CHRDL1: variants seen among roughly 807,000 people sequenced by gnomAD.
CHRDL1 encodes chordin like 1, also known as chordin-like protein 1.
A neutral mutation model predicts 40.9 loss-of-function variants in CHRDL1; 19 were observed. The observed-to-expected ratio is 0.46, with a 90% CI of 0.32 to 0.68. The LOEUF (loss-of-function observed/expected upper bound fraction) is 0.68, where lower values mean the gene tolerates loss of function less well. CHRDL1 is among the 30% of genes least tolerant of loss of function. The probability of loss-of-function intolerance (pLI) is 0.03; values close to 1 mark genes in which losing one functional copy is unlikely to be tolerated. For synonymous variants in CHRDL1, 136 were observed against 123.4 expected (o/e 1.10, Z -0.68); for missense variants, 329 against 352.1 (o/e 0.93, Z 0.53).
At chrX:110,714,870 T>C (rs1438448466) in intron 6 of CHRDL1, among the ~76,000 whole-genome samples, 3 of 111,787 alleles carry the variant, frequency 2.7e-5, no homozygotes, top group Non-Finnish European at 3.8e-5. Context: ...TTCCCTGCTG[T>C]ATGAGTAATA....
chrX:110,716,232 C>A (rs1381474637), intron 6 of CHRDL1, among the ~76,000 whole-genome samples: 4 of 110,948 alleles, frequency 3.6e-5, no homozygotes, highest in Non-Finnish European at 7.6e-5. Flanking sequence ...TAGTCAACAC[C>A]ATCTACCACA....
At chrX:110,794,075 T>C (rs1306389701) in intron 1 of CHRDL1, among the ~76,000 whole-genome samples, 2 of 111,958 alleles carry the variant, frequency 1.8e-5, no homozygotes, top group Non-Finnish European at 3.8e-5. Context: ...TTGTATTCTG[T>C]GCAGAAATAT....
chrX:110,744,799 G>A (rs2071420891), intron 4 of CHRDL1, among the ~76,000 whole-genome samples: 1 of 110,726 alleles, frequency 9.0e-6, no homozygotes, highest in African/African-American at 3.3e-5. Context: ...CTGAATTCTG[G>A]CCCTGCATTC....
At chrX:110,709,878 TG>T (rs1228638207) in intron 6 of CHRDL1, among the ~76,000 whole-genome samples, 1 of 111,316 alleles carries the variant, frequency 9.0e-6, no homozygotes, top group African/African-American at 3.3e-5. Flanking sequence ...GGTGAGCGCC[TG>T]TAGTCTGAGC....
At chrX:110,703,025 A>G (rs1211224191) in intron 6 of CHRDL1, among the ~76,000 whole-genome samples, 1 of 111,977 alleles carries the variant, frequency 8.9e-6, no homozygotes, top group East Asian at 2.8e-4. Flanking sequence ...ATTCCTTGGA[A>G]TGAGAGATTA....
chrX:110,695,530 C>A (rs1254609962), intron 7 of CHRDL1, among the ~76,000 whole-genome samples: 6 of 112,172 alleles, frequency 5.3e-5, no homozygotes, highest in Non-Finnish European at 1.1e-4. Flanking sequence ...AGAATGGAAC[C>A]TTAAGGCTTA....
At chrX:110,750,122 C>T (rs2089330575) in intron 4 of CHRDL1, among the ~76,000 whole-genome samples, 1 of 111,738 alleles carries the variant, frequency 8.9e-6, no homozygotes, top group Admixed American at 9.5e-5. Context: ...CGGGATCTTC[C>T]CCCCGCAACA....
At chrX:110,695,246 T>C (rs1340856066) in intron 7 of CHRDL1, among the ~76,000 whole-genome samples, 1 of 111,730 alleles carries the variant, frequency 9.0e-6, no homozygotes, top group Non-Finnish European at 1.9e-5. Context: ...TGATAGTACA[T>C]GACAGTATTG....
At chrX:110,736,149 A>C (rs1247310640) in intron 4 of CHRDL1, among the ~76,000 whole-genome samples, 1 of 112,427 alleles carries the variant, frequency 8.9e-6, no homozygotes, top group Non-Finnish European at 1.9e-5. Context: ...CTGACGACCA[A>C]GGAGGCAGCT....
In CHRDL1 at chrX:110,690,524, C is replaced by T. The variant is rs2070254692; in HGVS notation, c.779-1721G>A. On this transcript the variant is annotated intron_variant, in intron 8 of 11. Transcript: ENST00000372042. ...TTGGGAGATTTGCTTTCCATGGAGG[C>T]TAGATGCAAAAATTACTGCTCTTCC... Among the ~76,000 whole-genome samples the T allele has an allele frequency of 2.7e-5, 3 of 110,654 alleles. No individual in the cohort carries two copies. The South Asian group carries it at 1.2e-3, about 43-fold the overall frequency.
In CHRDL1 at chrX:110,699,821, T is replaced by C. The variant is rs183066247; in HGVS notation, c.609+833A>G. Reference sequence around the variant, plus strand: ...TTGGATGTACACACCAAGTCCCTAGTAGACATTTAGGTTGTCTCCATTTGT... The same window carrying C: ...TTGGATGTACACACCAAGTCCCTAGCAGACATTTAGGTTGTCTCCATTTGT... On this transcript the variant is annotated intron_variant, in intron 7 of 11. Transcript: ENST00000372042. Among the ~76,000 whole-genome samples the C allele has an allele frequency of 4.2e-3, 474 of 112,514 alleles. 3 individuals carry two copies. Among genetic ancestry groups the C allele is most frequent in the Middle Eastern group, 9.1e-3 (2 of 219 alleles).
intron 4 of CHRDL1, among the ~76,000 whole-genome samples, chrX:110,747,454 G>A (rs3916388): frequency 0.027 from 2,515 of 94,722 alleles, 81 homozygotes; most frequent in African/African-American, 0.1. Flanking sequence ...ACATCAAGAA[G>A]ACCAAAACAA....
chrX:110,758,005 A>G (rs1220994766), intron 4 of CHRDL1, among the ~76,000 whole-genome samples: 1 of 109,477 alleles, frequency 9.1e-6, no homozygotes, highest in Non-Finnish European at 1.9e-5. Context: ...AAGTTTAGAT[A>G]AGTTCCTATG....
intron 6 of CHRDL1, among the ~76,000 whole-genome samples, chrX:110,705,855 A>G (rs948813238): frequency 8.2e-5 from 9 of 109,929 alleles, no homozygotes; most frequent in African/African-American, 2.3e-4. Flanking sequence ...AAATATATAA[A>G]TACTAGGAAC....
chrX:110,743,794 G>A lies in CHRDL1; in HGVS notation c.301+15867C>T, dbSNP rs188701957. Among the ~76,000 whole-genome samples the A allele has an allele frequency of 5.4e-5, 6 of 112,010 alleles. 1 individual carries two copies. The Admixed American group carries it at 5.7e-4, about 11-fold the overall frequency. ...CTAGGGTTCCTCTAGCTTGTGGGAT[G>A]GGTGTGGGTGTGAGCCTGTGAGAGT... On this transcript the variant is annotated intron_variant, in intron 4 of 11. Coordinates refer to ENST00000372042, the MANE Select transcript of CHRDL1 (RefSeq NM_001143981.2).
chrX:110,785,480 C>T (rs1262676543), intron 2 of CHRDL1, among the ~76,000 whole-genome samples: 2 of 111,351 alleles, frequency 1.8e-5, no homozygotes, highest in African/African-American at 3.3e-5. Flanking sequence ...GTACACAATT[C>T]GGGTGATGGC....
chrX:110,760,735 G>A (rs1452860723), intron 3 of CHRDL1, among the ~76,000 whole-genome samples: 1 of 111,563 alleles, frequency 9.0e-6, no homozygotes, highest in African/African-American at 3.3e-5. Flanking sequence ...TTAAAGAGGC[G>A]GGCTTCTTTT....
At chrX:110,723,529 A>G (rs1237524992) in intron 4 of CHRDL1, among the ~76,000 whole-genome samples, 1 of 111,692 alleles carries the variant, frequency 9.0e-6, no homozygotes, top group African/African-American at 3.3e-5. Flanking sequence ...GACTTGCCCA[A>G]GGTGACACAA....
chrX:110,776,251 G>T (rs1484270615), intron 2 of CHRDL1, among the ~76,000 whole-genome samples: 1 of 112,360 alleles, frequency 8.9e-6, no homozygotes. Context: ...AAGAATTTTT[G>T]TTAATAGTTC....
Sources: gnomAD v4.1 joint callset for allele counts (sites outside exome capture counted in the v4.1 genomes callset) on GRCh38, gnomAD v4.1.1 for gene constraint, MANE v1.5 for transcripts, NCBI Gene and HGNC (gene_info 2026-07-23, HGNC 2026-07-21) for gene names.